Variants in LRRC4C observed in about 807,000 individuals in gnomAD.
LRRC4C encodes the protein leucine-rich repeat-containing protein 4C.
A neutral mutation model predicts 33.6 loss-of-function variants in LRRC4C; 5 were observed. That is an observed-to-expected ratio of 0.15 (90% CI 0.08 to 0.31). LRRC4C has a LOEUF of 0.31. Among genes scored for constraint, LRRC4C ranks in the 10% least tolerant of loss-of-function variants. The pLI, the probability that LRRC4C is intolerant of heterozygous loss-of-function variation, is 1.00. For missense variants in LRRC4C, 560 were observed against 796.7 expected, an observed-to-expected ratio of 0.70 and a Z score of 3.58; for synonymous variants, 329 against 302.0, an observed-to-expected ratio of 1.09 and a Z score of -0.93.
At chr11:40,540,432 G>T (rs761442820) in intron 3 of LRRC4C, among the ~76,000 whole-genome samples, 1 of 152,118 alleles carries the variant, frequency 6.6e-6, no homozygotes, top group African/African-American at 2.4e-5. Context: ...AAACAGCCAG[G>T]TATTCTATTT....
intron 2 of LRRC4C, among the ~76,000 whole-genome samples, chr11:40,729,048 T>A (rs1239595273): frequency 6.6e-6 from 1 of 152,080 alleles, no homozygotes; most frequent in East Asian, 1.9e-4. Flanking sequence ...ACTACCTGGG[T>A]GACAGGATCA....
At chr11:40,542,432 G>A (rs964981481) in intron 3 of LRRC4C, among the ~76,000 whole-genome samples, 2 of 152,060 alleles carry the variant, frequency 1.3e-5, no homozygotes, top group Non-Finnish European at 2.9e-5. Context: ...TGGGTCTGAG[G>A]ACATTTCCTC....
At chr11:40,539,460 A>T (rs2135375509) in intron 3 of LRRC4C, among the ~76,000 whole-genome samples, 1 of 152,224 alleles carries the variant, frequency 6.6e-6, no homozygotes, top group East Asian at 1.9e-4. Context: ...TCTTTTCAAT[A>T]AATGTTTGTT....
intron 3 of LRRC4C, among the ~76,000 whole-genome samples, chr11:40,441,563 T>TATTTGTG: frequency 6.6e-6 from 1 of 152,228 alleles, no homozygotes; most frequent in Non-Finnish European, 1.5e-5. Flanking sequence ...AACACAGGTT[T>TATTTGTG]ATTTGTGGAT....
intron 5 of LRRC4C, among the ~76,000 whole-genome samples, chr11:40,159,586 T>A (rs1858991476): frequency 6.6e-6 from 1 of 152,186 alleles, no homozygotes; most frequent in Non-Finnish European, 1.5e-5. Flanking sequence ...CATTGCATAG[T>A]ATTCATAGTT....
intron 2 of LRRC4C, among the ~76,000 whole-genome samples, chr11:40,926,499 G>C (rs1284105508): frequency 6.6e-6 from 1 of 152,118 alleles, no homozygotes; most frequent in Non-Finnish European, 1.5e-5. Context: ...CTCTTACAAT[G>C]CTTGATAAAA....
chr11:40,517,130 A>G (rs962781297), intron 3 of LRRC4C, among the ~76,000 whole-genome samples: 15 of 152,184 alleles, frequency 9.9e-5, no homozygotes, highest in African/African-American at 3.4e-4. Flanking sequence ...TGGACATTTC[A>G]GGATGCCTCT....
chr11:40,622,599 T>C (rs879854093), intron 3 of LRRC4C, among the ~76,000 whole-genome samples: 8 of 151,916 alleles, frequency 5.3e-5, no homozygotes, highest in Admixed American at 3.9e-4. Flanking sequence ...GTAATGCACA[T>C]TTCAGTTTCT....
intron 1 of LRRC4C, among the ~76,000 whole-genome samples, chr11:40,941,590 T>C (rs1396204511): frequency 6.6e-6 from 1 of 152,158 alleles, no homozygotes; most frequent in African/African-American, 2.4e-5. Flanking sequence ...AATGTAATCT[T>C]TGCATTAGTA....
chr11:40,698,049 C>G (rs1945665859), intron 2 of LRRC4C, among the ~76,000 whole-genome samples: 1 of 131,974 alleles, frequency 7.6e-6, no homozygotes. Context: ...GCCTGGGCAA[C>G]AGAGTGAGAC....
intron 1 of LRRC4C, among the ~76,000 whole-genome samples, chr11:41,436,051 A>C (rs2138471814): frequency 6.6e-6 from 1 of 152,236 alleles, no homozygotes; most frequent in Non-Finnish European, 1.5e-5. Flanking sequence ...TAAAAATATA[A>C]AAATTAGCTG....
intron 1 of LRRC4C, among the ~76,000 whole-genome samples, chr11:41,280,075 C>T (rs1949614063): frequency 6.6e-6 from 1 of 152,040 alleles, no homozygotes; most frequent in South Asian, 2.1e-4. Context: ...ATATATATCT[C>T]CCCATCAGAC....
chr11:41,295,632 C>A (rs932165878), intron 1 of LRRC4C, among the ~76,000 whole-genome samples: 1 of 150,970 alleles, frequency 6.6e-6, no homozygotes, highest in Non-Finnish European at 1.5e-5. Context: ...GAGTTTAGTA[C>A]ATAACCTGAC....
At position 40,114,240 on chromosome 11, in the gene LRRC4C, ATTTCTT is replaced by A; in HGVS notation, c.*124_*129del. 9.6e-7 allele frequency: 1 copy of A among 1,046,144 alleles called. No individual in the cohort carries two copies. Among genetic ancestry groups the A allele is most frequent in the Non-Finnish European group, 1.3e-6 (1 of 754,778 alleles). 64.8% of individuals were successfully genotyped at this position (1,046,144 alleles called of 1,614,324 possible). ...TCACAATAGAATTTTTAATAAATAA[ATTTCTT>A]TTCTTTTTTGTTTTTTTGTAAAGAC... is the stretch of plus-strand genomic sequence containing the variant. On this transcript the variant is annotated 3_prime_UTR_variant, in exon 7 of 7. Transcript: ENST00000528697.
chr11:40,556,756 A>G (rs2135479654), intron 3 of LRRC4C, among the ~76,000 whole-genome samples: 1 of 152,358 alleles, frequency 6.6e-6, no homozygotes, highest in African/African-American at 2.4e-5. Flanking sequence ...ATCCACTTCA[A>G]CAGCTCAAAT....
intron 3 of LRRC4C, among the ~76,000 whole-genome samples, chr11:40,491,112 A>G (rs1590899368): frequency 6.6e-6 from 1 of 152,024 alleles, no homozygotes; most frequent in Non-Finnish European, 1.5e-5. Flanking sequence ...GTAAAACCCC[A>G]TCTCTACTAA....
chr11:41,166,116 T>A (rs1944714537), intron 1 of LRRC4C, among the ~76,000 whole-genome samples: 1 of 151,450 alleles, frequency 6.6e-6, no homozygotes, highest in African/African-American at 2.4e-5. Flanking sequence ...GGGTTTTAAA[T>A]CTGTATTTAT....
chr11:40,267,242 A>G (rs1026309349), intron 4 of LRRC4C, among the ~76,000 whole-genome samples: 2 of 152,198 alleles, frequency 1.3e-5, no homozygotes, highest in Non-Finnish European at 2.9e-5. Context: ...AGTAAAAAAT[A>G]TGTTAACTTA....
chr11:41,437,932 G>C (rs1189032871), intron 1 of LRRC4C, among the ~76,000 whole-genome samples: 1 of 152,202 alleles, frequency 6.6e-6, no homozygotes, highest in East Asian at 1.9e-4. Flanking sequence ...CAGCCATGTG[G>C]GAGGCTGAGG....
Sources: gnomAD v4.1 joint callset for allele counts (sites outside exome capture counted in the v4.1 genomes callset) on GRCh38, gnomAD v4.1.1 for gene constraint, MANE v1.5 for transcripts, NCBI Gene and HGNC (gene_info 2026-07-23, HGNC 2026-07-21) for gene names.